ZDHHC20: variants seen among roughly 807,000 people sequenced by gnomAD.
ZDHHC20 encodes the protein zDHHC palmitoyltransferase 20.
Under a neutral mutation model 57.8 loss-of-function variants are expected in ZDHHC20, and 43 were observed. The observed-to-expected ratio is 0.74, with a 90% CI of 0.58 to 0.96. ZDHHC20 has a LOEUF of 0.96. Among genes scored for constraint, ZDHHC20 ranks in the 40% least tolerant of loss-of-function variants. The pLI, the probability that ZDHHC20 is intolerant of heterozygous loss-of-function variation, is 0.00. For missense variants in ZDHHC20, 391 were observed against 441.1 expected, an observed-to-expected ratio of 0.89 and a Z score of 1.02; for synonymous variants, 157 against 153.0, an observed-to-expected ratio of 1.03 and a Z score of -0.19.
chr13:21,425,594 T>G, intron 2 of ZDHHC20, 58 bp downstream of exon 2: 3 of 1,136,180 alleles, frequency 2.6e-6, no homozygotes, highest in South Asian at 1.6e-5. Flanking sequence ...ATAAAAAGTA[T>G]GTTCCAATTA....
chr13:21,403,685 G>A (rs1013773855), intron 4 of ZDHHC20, among the ~76,000 whole-genome samples: 3 of 151,996 alleles, frequency 2.0e-5, no homozygotes, highest in African/African-American at 7.2e-5. Flanking sequence ...TTGCTTTTTT[G>A]TTTGTTTTTT....
chr13:21,377,274 A>C (rs1872289755), intron 12 of ZDHHC20: 1 of 94,708 alleles, frequency 1.1e-5, no homozygotes, highest in African/African-American at 4.4e-5. Context: ...CTGCGATCTG[A>C]CTCTGCCCGA....
At chr13:21,438,887 G>C (rs974182320) in intron 1 of ZDHHC20, among the ~76,000 whole-genome samples, 1 of 152,182 alleles carries the variant, frequency 6.6e-6, no homozygotes, top group Non-Finnish European at 1.5e-5. Context: ...CATCATCATC[G>C]AGGCAAGACC....
chr13:21,399,749 C>T (rs976191686), intron 7 of ZDHHC20, among the ~76,000 whole-genome samples: 6 of 151,956 alleles, frequency 3.9e-5, no homozygotes, highest in African/African-American at 1.4e-4. Flanking sequence ...GCTGTAGAAA[C>T]GGCAGCATAC....
chr13:21,436,890 C>A (rs1409501027), intron 1 of ZDHHC20, among the ~76,000 whole-genome samples: 1 of 152,118 alleles, frequency 6.6e-6, no homozygotes, highest in Non-Finnish European at 1.5e-5. Context: ...AGGAAAAGTT[C>A]TTGAAGAAAA....
intron 1 of ZDHHC20, among the ~76,000 whole-genome samples, chr13:21,440,773 T>C (rs529539746): frequency 6.6e-6 from 1 of 152,332 alleles, no homozygotes; most frequent in South Asian, 2.1e-4. Context: ...TTTTCCTCTG[T>C]AATTTGATGT....
At chr13:21,381,955 A>G (rs1177989215) in intron 10 of ZDHHC20, 2 of 520,976 alleles carry the variant, frequency 3.8e-6, no homozygotes, top group South Asian at 2.8e-5. Flanking sequence ...TCTAAGGGGA[A>G]AAAATGATTC....
In ZDHHC20 at chr13:21,448,798, T is replaced by C. The variant is rs1022168477; in HGVS notation, c.118+10256A>G. ...AAAGGCGGGAAAGGTGGGGAAAAGA[T>C]TGAGAAATCGGATGGTTGCCGTGTC... On this transcript the variant is annotated intron_variant, in intron 1 of 12. Transcript: ENST00000400590. 2.1e-4 allele frequency among the ~76,000 whole-genome samples: 19 copies of C among 92,366 alleles called. 3 individuals carry two copies. The highest frequency in any genetic ancestry group is 4.5e-4 in the East Asian group (2 of 4,448). The allele number at this position is 92,366 out of a possible 152,430, so 60.6% of individuals were successfully genotyped here. A position where few individuals can be genotyped will look rare whatever the true frequency, so the allele number is the denominator to read the frequency against.
intron 12 of ZDHHC20, 51 bp from the exon 13 acceptor site, chr13:21,376,706 A>C: frequency 8.0e-7 from 1 of 1,243,868 alleles, no homozygotes; most frequent in Non-Finnish European, 1.1e-6. Flanking sequence ...TTTATTTCTG[A>C]AAATATTTAC....
chr13:21,391,699 A>T, intron 8 of ZDHHC20, 23 bp downstream of exon 8: 1 of 1,587,370 alleles, frequency 6.3e-7, no homozygotes, highest in Non-Finnish European at 8.5e-7. Context: ...CTAAGTAATT[A>T]TAATTTATTT....
chr13:21,419,410 T>C (rs1340719362), intron 3 of ZDHHC20, among the ~76,000 whole-genome samples: 3 of 152,222 alleles, frequency 2.0e-5, no homozygotes, highest in Non-Finnish European at 4.4e-5. Context: ...TGCACTAGAA[T>C]GTTTATAGCA....
At position 21,412,514 on chromosome 13, in the gene ZDHHC20, C is replaced by T. The variant is rs143640910; in HGVS notation, c.370+1138G>A. 2.5e-3 allele frequency among the ~76,000 whole-genome samples: 379 copies of T among 152,052 alleles called. 1 individual carries two copies. The highest frequency in any genetic ancestry group is 8.7e-3 in the African/African-American group (360 of 41,488). Reference sequence around the variant, plus strand: ...AGTAAACAAAAACAGAAGTATAAAACTACTGAAAAACACAAAGAGGAAAGC... The same window carrying T: ...AGTAAACAAAAACAGAAGTATAAAATTACTGAAAAACACAAAGAGGAAAGC... On this transcript the variant is annotated intron_variant, in intron 4 of 12. Transcript: ENST00000400590.
chr13:21,407,996 A>T (rs1185948742), intron 4 of ZDHHC20, among the ~76,000 whole-genome samples: 1 of 152,106 alleles, frequency 6.6e-6, no homozygotes, highest in Non-Finnish European at 1.5e-5. Flanking sequence ...TTTGGCACCA[A>T]TACCATGCTG....
At chr13:21,437,176 G>A (rs1459466584) in intron 1 of ZDHHC20, among the ~76,000 whole-genome samples, 9 of 152,154 alleles carry the variant, frequency 5.9e-5, no homozygotes, top group Non-Finnish European at 1.3e-4. Flanking sequence ...AGATGAGAAA[G>A]CTGCAGGAAA....
At chr13:21,393,230 C>T (rs1285579464) in intron 7 of ZDHHC20, among the ~76,000 whole-genome samples, 4 of 150,120 alleles carry the variant, frequency 2.7e-5, no homozygotes, top group East Asian at 1.9e-4. Context: ...TGGCTGGGCA[C>T]GGTGGCTCAC....
intron 9 of ZDHHC20, among the ~76,000 whole-genome samples, chr13:21,386,953 C>CCATA (rs1874638625): frequency 6.6e-6 from 1 of 152,124 alleles, no homozygotes; most frequent in South Asian, 2.1e-4. Flanking sequence ...GGGAAAAAAC[C>CCATA]CATAACTCTT....
intron 7 of ZDHHC20, among the ~76,000 whole-genome samples, chr13:21,399,600 C>T (rs1593206845): frequency 6.6e-6 from 1 of 152,144 alleles, no homozygotes; most frequent in African/African-American, 2.4e-5. Context: ...TACTATTTGT[C>T]CATGTTATAC....
At chr13:21,453,190 T>C (rs1884614647) in intron 1 of ZDHHC20, among the ~76,000 whole-genome samples, 1 of 152,212 alleles carries the variant, frequency 6.6e-6, no homozygotes, top group African/African-American at 2.4e-5. Flanking sequence ...CCAAAGCAGA[T>C]TTCAGAGTAA....
At chr13:21,455,522 A>G (rs1245950538) in intron 1 of ZDHHC20, among the ~76,000 whole-genome samples, 1 of 152,172 alleles carries the variant, frequency 6.6e-6, no homozygotes, top group Non-Finnish European at 1.5e-5. Context: ...AAGGACCAAT[A>G]TTACTAATTA....
Sources: allele counts gnomAD v4.1 joint callset (sites outside exome capture counted in the v4.1 genomes callset), GRCh38; gene constraint gnomAD v4.1.1; transcripts MANE v1.5; gene names NCBI Gene and HGNC (gene_info 2026-07-23, HGNC 2026-07-21).